Variants in DPY19L2 observed in about 807,000 individuals in gnomAD.
DPY19L2 encodes the protein probable C-mannosyltransferase DPY19L2.
In DPY19L2, 34 loss-of-function variants were observed where a neutral mutation model predicts 97.9. That is an observed-to-expected ratio of 0.35 (90% CI 0.26 to 0.46). The LOEUF (loss-of-function observed/expected upper bound fraction) is 0.46. Among genes scored for constraint, DPY19L2 ranks in the 20% least tolerant of loss-of-function variants. DPY19L2 has a pLI of 1.00. For missense variants in DPY19L2, 623 were observed against 911.4 expected (o/e 0.68, Z 4.07); for synonymous variants, 230 against 307.9 (o/e 0.75, Z 2.65).
intron 4 of DPY19L2, chr12:63,651,737 G>A (rs987605749): frequency 4.1e-5 from 16 of 387,168 alleles, no homozygotes; most frequent in African/African-American, 6.3e-5. Context: ...TCTCCAAGAC[G>A]GAGTTCCCAA....
chr12:63,605,185 T>C (rs1885826591), intron 12 of DPY19L2, among the ~76,000 whole-genome samples: 1 of 152,088 alleles, frequency 6.6e-6, no homozygotes, highest in Non-Finnish European at 1.5e-5. Context: ...CCTGTTGCCA[T>C]GAGGTGGAGG....
At position 63,606,220 on chromosome 12, in the gene DPY19L2, T is replaced by A. The variant is rs1886025221; in HGVS notation, c.1278+2396A>T. On this transcript the variant is annotated intron_variant, in intron 12 of 21. Coordinates refer to ENST00000324472, the MANE Select transcript of DPY19L2 (RefSeq NM_173812.5). The stretch of plus-strand genomic sequence containing the variant: ...TAGGTAAATATGATACTATAATAAA[T>A]TTTGCTTCTGTTTCTTTCCTTTTCC... 1.3e-5 allele frequency among the ~76,000 whole-genome samples: 2 copies of A among 152,086 alleles called. 1 individual carries two copies. Among genetic ancestry groups the A allele is most frequent in the South Asian group, 4.1e-4 (2 of 4,824 alleles).
intron 15 of DPY19L2, among the ~76,000 whole-genome samples, chr12:63,594,591 G>GTGTA: frequency 6.6e-6 from 1 of 151,044 alleles, no homozygotes; most frequent in Admixed American, 6.6e-5. Flanking sequence ...ATGTGTGTGT[G>GTGTA]TGTGCGTGCA....
intron 16 of DPY19L2, chr12:63,591,201 A>C: frequency 2.3e-6 from 1 of 434,024 alleles, no homozygotes; most frequent in Non-Finnish European, 4.7e-6. Flanking sequence ...CTAAGAGCTT[A>C]ATTAGCTCTT....
intron 21 of DPY19L2, among the ~76,000 whole-genome samples, chr12:63,567,246 C>T (rs1161167888): frequency 6.6e-6 from 1 of 152,076 alleles, no homozygotes; most frequent in Non-Finnish European, 1.5e-5. Flanking sequence ...TGAGTGACAA[C>T]ATGGACTATT....
chr12:63,606,378 G>A (rs1473671520), intron 12 of DPY19L2, among the ~76,000 whole-genome samples: 1 of 152,054 alleles, frequency 6.6e-6, no homozygotes, highest in Non-Finnish European at 1.5e-5. Flanking sequence ...AATGACTGCT[G>A]AAGAATTTTA....
intron 6 of DPY19L2, among the ~76,000 whole-genome samples, chr12:63,628,842 C>T (rs1196971417): frequency 1.3e-5 from 2 of 151,112 alleles, no homozygotes; most frequent in Non-Finnish European, 2.9e-5. Flanking sequence ...ACACCTCACA[C>T]AGCCGGGTAC....
rs372477846 is a variant in DPY19L2, at chr12:63,668,332, C to T, written c.62G>A (p.Gly21Glu). ...LQSSGRSQSK[G>E]RRGASLAREP... ...CCGGGCGAGGGAGGCCCCGCGCCGC[C>T]CCTTAGACTGGCTGCGGCCGGAAGA... The change falls in exon 1 of 22, where the codon GGG (glycine) becomes GAG (glutamate). Residue 21 changes from glycine (G) to glutamate (E), a missense_variant. Coordinates refer to ENST00000324472, the MANE Select transcript of DPY19L2 (RefSeq NM_173812.5). The T allele has an allele frequency of 6.2e-7, 1 of 1,613,826 alleles. No homozygotes were observed. The highest frequency in any genetic ancestry group is 1.3e-5 in the African/African-American group (1 of 74,928).
chr12:63,592,745 T>C (rs1195007497), intron 16 of DPY19L2, among the ~76,000 whole-genome samples: 1 of 151,146 alleles, frequency 6.6e-6, no homozygotes, highest in African/African-American at 2.4e-5. Flanking sequence ...ACTTCATGTC[T>C]AAAACACCAA....
intron 16 of DPY19L2, among the ~76,000 whole-genome samples, chr12:63,587,062 C>T (rs1011706984): frequency 5.3e-5 from 8 of 151,048 alleles, no homozygotes; most frequent in African/African-American, 2.0e-4. Flanking sequence ...CAAAATGTCA[C>T]AAAAATGTTA....
chr12:63,583,035 A>C (rs181946222), intron 17 of DPY19L2, among the ~76,000 whole-genome samples: 243 of 152,290 alleles, frequency 1.6e-3, no homozygotes, highest in African/African-American at 5.4e-3. Flanking sequence ...GGTTATGCTA[A>C]AACAAATGCT....
intron 6 of DPY19L2, among the ~76,000 whole-genome samples, chr12:63,639,284 C>T (rs988140282): frequency 1.3e-5 from 2 of 152,116 alleles, no homozygotes; most frequent in African/African-American, 2.4e-5. Context: ...AGGACATAGG[C>T]ATGGGCAAGG....
rs1334029688 is a variant in DPY19L2 at position 63,608,684 on chromosome 12, C to T, written c.1219-9G>A. On this transcript the variant is annotated splice_polypyrimidine_tract_variant and intron_variant, in intron 11 of 21. Coordinates refer to ENST00000324472, the MANE Select transcript of DPY19L2 (RefSeq NM_173812.5). ...CTCTTTAGAATTATTGCCTAAAATG[C>T]ACATAAGGGAAAATGAAACAATTCA... The T allele has an allele frequency of 2.3e-6, 3 of 1,318,268 alleles. No homozygotes were observed. The highest frequency in any genetic ancestry group is 3.2e-6 in the Non-Finnish European group (3 of 942,460). The allele number at this position is 1,318,268 out of a possible 1,614,324, so 81.7% of individuals were successfully genotyped here.
At chr12:63,634,753 G>A (rs1891361769) in intron 6 of DPY19L2, among the ~76,000 whole-genome samples, 1 of 151,550 alleles carries the variant, frequency 6.6e-6, no homozygotes, top group Non-Finnish European at 1.5e-5. Flanking sequence ...CACCATTACT[G>A]AGGCTTGAGT....
intron 10 of DPY19L2, 150 bp downstream of exon 10, chr12:63,618,001 T>G: frequency 1.7e-6 from 1 of 582,094 alleles, no homozygotes; most frequent in Non-Finnish European, 3.0e-6. Flanking sequence ...ATCTATAATA[T>G]ACATTTCCAG....
chr12:63,600,014 A>G (rs1156581732), intron 13 of DPY19L2, among the ~76,000 whole-genome samples: 1 of 152,214 alleles, frequency 6.6e-6, no homozygotes, highest in African/African-American at 2.4e-5. Context: ...GATGTAAACA[A>G]CTAATTATTT....
intron 13 of DPY19L2, among the ~76,000 whole-genome samples, chr12:63,599,181 A>C (rs1374090205): frequency 6.6e-5 from 10 of 150,600 alleles, no homozygotes; most frequent in African/African-American, 2.2e-4. Flanking sequence ...CAAAAAACAA[A>C]AAAAAAAAAA....
chr12:63,638,047 G>C (rs1892049565), intron 6 of DPY19L2, among the ~76,000 whole-genome samples: 1 of 152,090 alleles, frequency 6.6e-6, no homozygotes. Context: ...TGCAAGGCTG[G>C]TTCAACATAC....
At position 63,580,834 on chromosome 12, in the gene DPY19L2, G is replaced by A. The variant is rs1409475328; in HGVS notation, c.1728C>T (p.Leu576=). The change falls in exon 19 of 22, where the codon CTC becomes CTT. Residue 576 remains leucine, a splice_region_variant and synonymous_variant. Coordinates refer to ENST00000324472, the MANE Select transcript of DPY19L2 (RefSeq NM_173812.5). The part of the protein sequence containing the change: ...VMASLICSRQ[L]FGWLFRRVRF... ...GAACTCTGCGAAAAAGCCAGCCAAA[G>A]AGCTGAAACGAAAGAAACCGTTTAT... is the stretch of plus-strand genomic sequence containing the variant. 6.2e-7 allele frequency: 1 copy of A among 1,610,602 alleles called. No homozygotes were observed. The highest frequency in any genetic ancestry group is 8.5e-7 in the Non-Finnish European group (1 of 1,178,866).
Sources: allele counts gnomAD v4.1 joint callset (sites outside exome capture counted in the v4.1 genomes callset), GRCh38; gene constraint gnomAD v4.1.1; transcripts MANE v1.5; gene names NCBI Gene and HGNC (gene_info 2026-07-23, HGNC 2026-07-21).